Variants in KCNC2 observed in about 807,000 individuals in gnomAD.
The protein encoded by KCNC2 is voltage-gated potassium channel KCNC2.
In KCNC2, 21 loss-of-function variants were observed where a neutral mutation model predicts 44.5. The ratio of observed to expected loss-of-function variants is 0.47; its 90% CI spans 0.33 to 0.68. KCNC2 has a LOEUF of 0.68. Ranked by LOEUF, KCNC2 falls within the 30% of genes least tolerant of loss-of-function variation. KCNC2 has a pLI of 0.01. For missense variants in KCNC2, 589 were observed against 826.2 expected, an observed-to-expected ratio of 0.71 and a Z score of 3.52; for synonymous variants, 391 against 339.1, an observed-to-expected ratio of 1.15 and a Z score of -1.68.
At position 75,041,417 on chromosome 12, in the gene KCNC2, C is replaced by A; in HGVS notation, c.*1688G>T. On this transcript the variant is annotated 3_prime_UTR_variant, in exon 5 of 5. Coordinates refer to ENST00000549446, the MANE Select transcript of KCNC2 (RefSeq NM_139137.4). ...TGGGGATATAGAGTAATACATGTTT[C>A]GTGGCCAATAATAAAAGTGACAATT... 1 of 1,289,116 alleles carries A rather than the reference C, an allele frequency of 7.8e-7. No homozygotes were observed. Among genetic ancestry groups the A allele is most frequent in the Non-Finnish European group, 9.9e-7 (1 of 1,013,542 alleles). 79.9% of individuals were successfully genotyped at this position (1,289,116 alleles called of 1,614,324 possible). A position where few individuals can be genotyped will look rare whatever the true frequency, so the allele number is the denominator to read the frequency against.
intron 1 of KCNC2, among the ~76,000 whole-genome samples, chr12:75,208,650 C>A (rs559882405): frequency 4.7e-5 from 7 of 149,958 alleles, no homozygotes; most frequent in Non-Finnish European, 1.0e-4. Context: ...TACTCCCTAG[C>A]GCTCAGGGAG....
At chr12:75,147,823 A>G (rs1248518868) in intron 2 of KCNC2, among the ~76,000 whole-genome samples, 1 of 152,192 alleles carries the variant, frequency 6.6e-6, no homozygotes, top group Non-Finnish European at 1.5e-5. Context: ...GTTTTCAGAT[A>G]TCTAAGGTAC....
At chr12:75,104,479 A>G (rs1592877696) in intron 2 of KCNC2, among the ~76,000 whole-genome samples, 2 of 152,142 alleles carry the variant, frequency 1.3e-5, no homozygotes, top group African/African-American at 4.8e-5. Context: ...GGGCTATTGT[A>G]TAAAGATCAG....
chr12:75,108,755 G>C (rs147510720), intron 2 of KCNC2, among the ~76,000 whole-genome samples: 1 of 152,290 alleles, frequency 6.6e-6, no homozygotes, highest in Admixed American at 6.5e-5. Context: ...CCGTGTGGTA[G>C]TTTCAAGGCT....
At chr12:75,133,003 T>G (rs543496334) in intron 2 of KCNC2, among the ~76,000 whole-genome samples, 4 of 152,088 alleles carry the variant, frequency 2.6e-5, no homozygotes, top group Non-Finnish European at 5.9e-5. Context: ...GCTTCGAATC[T>G]TGAATCACTA....
At chr12:75,130,152 A>C (rs1213873580) in intron 2 of KCNC2, among the ~76,000 whole-genome samples, 1 of 152,204 alleles carries the variant, frequency 6.6e-6, no homozygotes, top group Non-Finnish European at 1.5e-5. Flanking sequence ...AATTTCCCAA[A>C]GAGATTAGAA....
chr12:75,050,428 A>T lies in KCNC2; in HGVS notation c.1577T>A (p.Leu526Gln). 6.2e-7 allele frequency: 1 copy of T among 1,613,214 alleles called. No individual in the cohort carries two copies. The highest frequency in any genetic ancestry group is 8.5e-7 in the Non-Finnish European group (1 of 1,179,512). Reference sequence around the variant, plus strand: ...TTCCAGAAGTCGATTGTCTTTGCCCAGACATGTGTCACTCTGTGTACTATT... The same window carrying T: ...TTCCAGAAGTCGATTGTCTTTGCCCTGACATGTGTCACTCTGTGTACTATT... ...ACNSTQSDTC[L>Q]GKDNRLLEHN... is the part of the protein sequence containing the mutation. Residue 526 changes from leucine (L) to glutamine (Q), a missense_variant, in exon 3 of 5, where the codon CTG becomes CAG. By Grantham distance (113) the Leu-to-Gln change is moderately radical. Coordinates refer to ENST00000549446, the MANE Select transcript of KCNC2 (RefSeq NM_139137.4).
Position 75,040,794 on chromosome 12 carries a change from T to C in KCNC2, c.*2311A>G, listed in dbSNP as rs1879814406. ...CAAAACTATACTACATCAGTATCAC[T>C]GCCTTAAGTAATTCACAGCACAACC... On this transcript the variant is annotated 3_prime_UTR_variant, in exon 5 of 5. Transcript: ENST00000549446. The C allele has an allele frequency of 3.4e-6, 1 of 291,926 alleles. No individual in the cohort carries two copies. The allele number at this position is 291,926 out of a possible 1,614,324, so 18.1% of individuals were successfully genotyped here. A position where few individuals can be genotyped will look rare whatever the true frequency, so the allele number is the denominator to read the frequency against.
intron 2 of KCNC2, among the ~76,000 whole-genome samples, chr12:75,080,854 T>C (rs533085844): frequency 2.6e-5 from 4 of 152,202 alleles, no homozygotes; most frequent in South Asian, 4.1e-4. Context: ...TAGATAGTCA[T>C]TCGAGTTTTT....
At chr12:75,075,306 C>T (rs1883821905) in intron 2 of KCNC2, among the ~76,000 whole-genome samples, 1 of 151,826 alleles carries the variant, frequency 6.6e-6, no homozygotes, top group South Asian at 2.1e-4. Flanking sequence ...TTACATTTTA[C>T]TCCAATCAAG....
At chr12:75,173,858 G>T (rs1387048930) in intron 2 of KCNC2, among the ~76,000 whole-genome samples, 1 of 151,736 alleles carries the variant, frequency 6.6e-6, no homozygotes, top group Non-Finnish European at 1.5e-5. Flanking sequence ...ATAAAAATCG[G>T]CTCCTTGATT....
intron 2 of KCNC2, among the ~76,000 whole-genome samples, chr12:75,204,671 T>C (rs2031546264): frequency 6.6e-6 from 1 of 152,196 alleles, no homozygotes; most frequent in Non-Finnish European, 1.5e-5. Context: ...ATTGTGTCGA[T>C]GCAAAATATA....
At chr12:75,128,712 A>G (rs1363793142) in intron 2 of KCNC2, among the ~76,000 whole-genome samples, 1 of 151,880 alleles carries the variant, frequency 6.6e-6, no homozygotes, top group East Asian at 1.9e-4. Flanking sequence ...ATGTTAGTCA[A>G]AAAAAAAGGT....
At chr12:75,126,005 ATAT>A (rs1888395709) in intron 2 of KCNC2, among the ~76,000 whole-genome samples, 2 of 152,150 alleles carry the variant, frequency 1.3e-5, no homozygotes, top group Admixed American at 6.5e-5. Flanking sequence ...CATACTATAA[ATAT>A]TATTTTCTTT....
At chr12:75,165,284 A>G (rs547069211) in intron 2 of KCNC2, among the ~76,000 whole-genome samples, 1 of 151,762 alleles carries the variant, frequency 6.6e-6, no homozygotes, top group African/African-American at 2.4e-5. Flanking sequence ...TAGATATTGT[A>G]AACAGACTGT....
intron 2 of KCNC2, among the ~76,000 whole-genome samples, chr12:75,112,499 T>TCTAAAAAATTATACTGCGTCC (rs1887332651): frequency 6.6e-6 from 1 of 152,050 alleles, no homozygotes; most frequent in Non-Finnish European, 1.5e-5. Context: ...TTTTATCTTA[T>TCTAAAAAATTATACTGCGTCC]CTAAAAAATT....
intron 2 of KCNC2, among the ~76,000 whole-genome samples, chr12:75,129,539 G>C (rs550230132): frequency 2.6e-5 from 4 of 152,234 alleles, no homozygotes; most frequent in South Asian, 4.1e-4. Flanking sequence ...GGCTGTGTGT[G>C]TATTCTTTTG....
chr12:75,122,333 A>C (rs952744660), intron 2 of KCNC2, among the ~76,000 whole-genome samples: 66 of 152,340 alleles, frequency 4.3e-4, no homozygotes, highest in African/African-American at 1.5e-3. Flanking sequence ...TTCACAAAGA[A>C]ACTGAGTCCC....
At chr12:75,067,919 T>A (rs1453354728) in intron 2 of KCNC2, among the ~76,000 whole-genome samples, 1 of 152,178 alleles carries the variant, frequency 6.6e-6, no homozygotes, top group Non-Finnish European at 1.5e-5. Flanking sequence ...GTCTTGTGCA[T>A]GTAGAAGTCC....
Sources: allele counts gnomAD v4.1 joint callset (sites outside exome capture counted in the v4.1 genomes callset), GRCh38; gene constraint gnomAD v4.1.1; transcripts MANE v1.5; gene names NCBI Gene and HGNC (gene_info 2026-07-23, HGNC 2026-07-21).